SLC1A2: variants seen among roughly 807,000 people sequenced by gnomAD.
SLC1A2 encodes excitatory amino acid transporter 2.
SLC1A2 carries 15 observed loss-of-function variants against 48.8 expected under a neutral mutation model. That is an observed-to-expected ratio of 0.31 (90% confidence interval 0.21 to 0.47). The LOEUF is 0.47. Ranked by LOEUF, SLC1A2 falls within the 20% of genes least tolerant of loss-of-function variation. SLC1A2 has a pLI of 0.99. For synonymous variants in SLC1A2, 279 were observed against 272.6 expected (o/e 1.02, Z -0.23); for missense variants, 502 against 730.5 (o/e 0.69, Z 3.61).
chr11:35,272,668 C>A (rs1461055518), intron 9 of SLC1A2, among the ~76,000 whole-genome samples: 1 of 152,210 alleles, frequency 6.6e-6, no homozygotes, highest in Non-Finnish European at 1.5e-5. Context: ...GAAACCCTGT[C>A]TTTCGCGTTG....
chr11:35,416,189 C>T (rs114075044), intron 1 of SLC1A2, among the ~76,000 whole-genome samples: 3,410 of 152,284 alleles, frequency 0.022, 114 homozygotes, highest in African/African-American at 0.076. Context: ...ATGCTCTGTA[C>T]AGGCAAAGAT....
chr11:35,415,598 G>A (rs1326542350), intron 1 of SLC1A2, among the ~76,000 whole-genome samples: 2 of 152,214 alleles, frequency 1.3e-5, no homozygotes, highest in African/African-American at 4.8e-5. Flanking sequence ...TCATTCCCAA[G>A]GGGAGAAGCA....
At chr11:35,378,384 C>T (rs1219462692) in intron 1 of SLC1A2, among the ~76,000 whole-genome samples, 3 of 152,222 alleles carry the variant, frequency 2.0e-5, no homozygotes, top group Admixed American at 6.5e-5. Flanking sequence ...TAGTAGACAT[C>T]GTTCATCAAA....
At chr11:35,293,258 C>T (rs1851067905) in intron 6 of SLC1A2, among the ~76,000 whole-genome samples, 1 of 152,094 alleles carries the variant, frequency 6.6e-6, no homozygotes, top group Admixed American at 6.6e-5. Context: ...AATAATCAGC[C>T]CAAGACCAGG....
chr11:35,277,331 C>A (rs1351122640), intron 9 of SLC1A2, among the ~76,000 whole-genome samples: 2 of 152,138 alleles, frequency 1.3e-5, no homozygotes, highest in Admixed American at 1.3e-4. Context: ...GTGTCCTGAC[C>A]TGGCCATACA....
chr11:35,331,561 T>C (rs529550197), intron 1 of SLC1A2, among the ~76,000 whole-genome samples: 1 of 152,314 alleles, frequency 6.6e-6, no homozygotes, highest in African/African-American at 2.4e-5. Flanking sequence ...AAGAGAAGAA[T>C]GTATATTTAT....
chr11:35,263,401 G>A lies in SLC1A2; in HGVS notation c.1653+2126C>T, dbSNP rs1950427756. On this transcript the variant is annotated intron_variant, in intron 10 of 10. Transcript: ENST00000278379. ...GAGAATTGCTTGAACCTGGGAGGCG[G>A]AGGTTGTGGTGAGCCGAGAGCACGC... 2.0e-5 allele frequency among the ~76,000 whole-genome samples: 3 copies of A among 152,314 alleles called. No homozygotes were observed. The South Asian group carries it at 6.2e-4, about 32-fold the overall frequency.
intron 9 of SLC1A2, among the ~76,000 whole-genome samples, chr11:35,278,124 T>G (rs1850501829): frequency 6.6e-6 from 1 of 152,218 alleles, no homozygotes; most frequent in Non-Finnish European, 1.5e-5. Flanking sequence ...GAGGCTATTT[T>G]GTTTGCTTGT....
chr11:35,263,311 C>CA (rs1038391660), intron 10 of SLC1A2, among the ~76,000 whole-genome samples: 15 of 151,820 alleles, frequency 9.9e-5, no homozygotes, highest in African/African-American at 1.7e-4. Context: ...ACTAAAAATA[C>CA]AAAAAAATTA....
Position 35,317,368 on chromosome 11 carries a change from G to T in SLC1A2, c.157+9C>A, listed in dbSNP as rs201089409. ...AGGGGGCTGGGGGTGGGGTAGTGCA[G>T]GTACCTACCAAACACCGTCAGGGTG... On this transcript the variant is annotated intron_variant, in intron 2 of 10. Coordinates refer to ENST00000278379, the MANE Select transcript of SLC1A2 (RefSeq NM_004171.4). 42 of 1,613,680 alleles carry T rather than the reference G, an allele frequency of 2.6e-5. No homozygotes were observed. In the African/African-American group the frequency reaches 4.9e-4, roughly 19 times the overall value.
intron 1 of SLC1A2, among the ~76,000 whole-genome samples, chr11:35,334,749 T>TG (rs1852559658): frequency 6.6e-6 from 1 of 152,206 alleles, no homozygotes; most frequent in Non-Finnish European, 1.5e-5. Context: ...CAGTCTACTT[T>TG]GGGGGGCAGG....
At chr11:35,373,322 C>T (rs1164919973) in intron 1 of SLC1A2, among the ~76,000 whole-genome samples, 1 of 152,216 alleles carries the variant, frequency 6.6e-6, no homozygotes, top group Non-Finnish European at 1.5e-5. Context: ...AGACCCATGA[C>T]CAAGTGCTGC....
chr11:35,307,247 G>T (rs1001967053), intron 4 of SLC1A2: 27 of 152,182 alleles, frequency 1.8e-4, no homozygotes, highest in African/African-American at 5.6e-4. Context: ...TCTCCATCTG[G>T]GCACCAAGAG....
chr11:35,257,587 G>T lies in SLC1A2; in HGVS notation c.*3307C>A, dbSNP rs932584299. The T allele has an allele frequency of 2.0e-5, 3 of 152,178 alleles. No homozygotes were observed. Among genetic ancestry groups the T allele is most frequent in the Admixed American group, 6.5e-5 (1 of 15,270 alleles). 9.4% of individuals were successfully genotyped at this position (152,178 alleles called of 1,614,324 possible). On this transcript the variant is annotated 3_prime_UTR_variant, in exon 11 of 11. Coordinates refer to ENST00000278379, the MANE Select transcript of SLC1A2 (RefSeq NM_004171.4). ...TTTGTATGGGAAGCATGCCCTCAAA[G>T]ATCTAAGGTAAAGTATTACCTTGAA...
chr11:35,301,454 G>A, intron 6 of SLC1A2, 65 bp downstream of exon 6: 2 of 1,533,356 alleles, frequency 1.3e-6, no homozygotes, highest in Admixed American at 3.5e-5. Flanking sequence ...GAGAGCTCCA[G>A]TATCCTCTGG....
At chr11:35,297,140 T>C (rs1162577379) in intron 6 of SLC1A2, among the ~76,000 whole-genome samples, 1 of 152,118 alleles carries the variant, frequency 6.6e-6, no homozygotes, top group Non-Finnish European at 1.5e-5. Flanking sequence ...AAACCTTCCT[T>C]ATAAAATCCG....
intron 1 of SLC1A2, among the ~76,000 whole-genome samples, chr11:35,349,338 G>A (rs1853157356): frequency 6.6e-6 from 1 of 152,186 alleles, no homozygotes; most frequent in Non-Finnish European, 1.5e-5. Context: ...AAAAGATAAT[G>A]ACAGAGGAAG....
intron 1 of SLC1A2, chr11:35,399,660 G>GC: frequency 1.1e-6 from 1 of 947,742 alleles, no homozygotes; most frequent in Non-Finnish European, 1.3e-6. Flanking sequence ...TCAAAATAGA[G>GC]GGGATATTCA....
chr11:35,365,160 T>C (rs1440481920), intron 1 of SLC1A2, among the ~76,000 whole-genome samples: 1 of 152,180 alleles, frequency 6.6e-6, no homozygotes, highest in African/African-American at 2.4e-5. Context: ...CAGGAGATGA[T>C]ACTGAGGAGG....
Sources: allele counts gnomAD v4.1 joint callset (sites outside exome capture counted in the v4.1 genomes callset), GRCh38; gene constraint gnomAD v4.1.1; transcripts MANE v1.5; gene names NCBI Gene and HGNC (gene_info 2026-07-23, HGNC 2026-07-21).